EPHB1: variants seen among roughly 807,000 people sequenced by gnomAD.
EPHB1 encodes EPH receptor B1.
A neutral mutation model predicts 94.4 loss-of-function variants in EPHB1; 30 were observed. The observed-to-expected ratio is 0.32, with a 90% confidence interval of 0.24 to 0.43. The LOEUF is 0.43. EPHB1 is among the 20% of genes least tolerant of loss of function. The probability of loss-of-function intolerance (pLI) is 1.00; values close to 1 mark genes in which losing one functional copy is unlikely to be tolerated. For synonymous variants in EPHB1, 522 were observed against 489.1 expected (o/e 1.07, Z -0.89); for missense variants, 1,055 against 1,308.3 (o/e 0.81, Z 2.99).
At chr3:134,828,312 C>T (rs997127484) in intron 1 of EPHB1, among the ~76,000 whole-genome samples, 1 of 152,200 alleles carries the variant, frequency 6.6e-6, no homozygotes, top group African/African-American at 2.4e-5. Flanking sequence ...TCTTAATAGA[C>T]TTTGAATATA....
intron 3 of EPHB1, among the ~76,000 whole-genome samples, chr3:135,019,285 G>T (rs1935910358): frequency 6.6e-6 from 1 of 152,140 alleles, no homozygotes; most frequent in Non-Finnish European, 1.5e-5. Context: ...AATGGAGCAT[G>T]TATCTGGGGT....
chr3:134,892,097 C>A (rs2037995614), intron 1 of EPHB1, among the ~76,000 whole-genome samples: 1 of 152,212 alleles, frequency 6.6e-6, no homozygotes, highest in African/African-American at 2.4e-5. Context: ...AAAGCAGGTT[C>A]TTTTTCAGAG....
At chr3:134,803,912 G>A (rs543789288) in intron 1 of EPHB1, among the ~76,000 whole-genome samples, 7 of 152,028 alleles carry the variant, frequency 4.6e-5, no homozygotes, top group African/African-American at 9.7e-5. Flanking sequence ...GTCAATGCTC[G>A]GACCCTGTGG....
intron 1 of EPHB1, among the ~76,000 whole-genome samples, chr3:134,851,694 GT>G (rs2108299783): frequency 6.6e-6 from 1 of 152,266 alleles, no homozygotes; most frequent in East Asian, 1.9e-4. Context: ...ACAAAGGAGA[GT>G]TTTTTCCTAT....
At chr3:135,053,675 C>T (rs751615883) in intron 3 of EPHB1, among the ~76,000 whole-genome samples, 1 of 152,100 alleles carries the variant, frequency 6.6e-6, no homozygotes, top group Admixed American at 6.6e-5. Context: ...TGAAGAGATG[C>T]TATATGAAGA....
intron 1 of EPHB1, among the ~76,000 whole-genome samples, chr3:134,820,837 A>G (rs192007362): frequency 2.6e-4 from 40 of 152,274 alleles, no homozygotes; most frequent in Admixed American, 7.2e-4. Context: ...AAAGGGAGAA[A>G]GGGTTTGTAT....
At chr3:135,248,563 C>G (rs1943984336) in intron 14 of EPHB1, 54 bp downstream of exon 14, 1 of 1,484,156 alleles carries the variant, frequency 6.7e-7, no homozygotes, top group Middle Eastern at 1.8e-4. Flanking sequence ...TGGTCAGGGG[C>G]ATAGCCAGCA....
chr3:135,133,107 G>A lies in EPHB1; in HGVS notation c.1297+58G>A, dbSNP rs968103241. The A allele has an allele frequency of 2.7e-6, 4 of 1,490,384 alleles. No individual in the cohort carries two copies. The African/African-American group carries it at 5.6e-5, about 21-fold the overall frequency. The allele number at this position is 1,490,384 out of a possible 1,614,324, so 92.3% of individuals were successfully genotyped here. On this transcript the variant is annotated intron_variant, in intron 5 of 15. Transcript: ENST00000398015. ...ATGTGTGGCTGGCTCTTTGTCTCTAGGCAGGGACACAGCTGCAGCCACACC... is the reference window on the plus strand; with the variant it reads ...ATGTGTGGCTGGCTCTTTGTCTCTAAGCAGGGACACAGCTGCAGCCACACC...
At chr3:134,987,610 T>C (rs1271429055) in intron 3 of EPHB1, among the ~76,000 whole-genome samples, 1 of 151,800 alleles carries the variant, frequency 6.6e-6, no homozygotes, top group Non-Finnish European at 1.5e-5. Flanking sequence ...ATGCAAAAAA[T>C]AATAATAATA....
chr3:135,209,438 C>G (rs1468651886), intron 12 of EPHB1, among the ~76,000 whole-genome samples: 2 of 152,294 alleles, frequency 1.3e-5, no homozygotes, highest in Non-Finnish European at 2.9e-5. Context: ...ATATTCTGTG[C>G]AACTTAGAGG....
At chr3:135,116,698 C>T (rs2107804051) in intron 4 of EPHB1, among the ~76,000 whole-genome samples, 1 of 152,306 alleles carries the variant, frequency 6.6e-6, no homozygotes, top group Admixed American at 6.5e-5. Context: ...CTGGTGGGCC[C>T]CTGTCTGTAC....
intron 1 of EPHB1, among the ~76,000 whole-genome samples, chr3:134,885,403 G>T (rs1282912613): frequency 1.3e-5 from 2 of 152,136 alleles, no homozygotes; most frequent in African/African-American, 4.8e-5. Flanking sequence ...AGCGATGAAT[G>T]GCCTCTCTCC....
intron 1 of EPHB1, among the ~76,000 whole-genome samples, chr3:134,882,822 C>T (rs145732111): frequency 1.3e-4 from 3 of 23,842 alleles, no homozygotes; most frequent in African/African-American, 2.6e-4. Flanking sequence ...TTCTTTCTTT[C>T]TTTTCTTTCT....
At chr3:135,225,230 A>T (rs941803829) in intron 12 of EPHB1, among the ~76,000 whole-genome samples, 1 of 152,242 alleles carries the variant, frequency 6.6e-6, no homozygotes, top group African/African-American at 2.4e-5. Context: ...GGGCCCAGAA[A>T]GATGCAAGGC....
At chr3:135,082,556 T>C (rs1938201639) in intron 3 of EPHB1, among the ~76,000 whole-genome samples, 1 of 152,038 alleles carries the variant, frequency 6.6e-6, no homozygotes, top group South Asian at 2.1e-4. Flanking sequence ...GTAGGGACAG[T>C]GCTAAGGGGA....
intron 1 of EPHB1, among the ~76,000 whole-genome samples, chr3:134,876,755 G>A (rs917802021): frequency 2.0e-5 from 3 of 152,164 alleles, no homozygotes; most frequent in South Asian, 2.1e-4. Flanking sequence ...ACTGAGTCAC[G>A]TGGACTGAAA....
chr3:134,846,094 T>C (rs1001286596), intron 1 of EPHB1, among the ~76,000 whole-genome samples: 5 of 152,184 alleles, frequency 3.3e-5, no homozygotes, highest in African/African-American at 4.8e-5. Context: ...CTGATCAGTA[T>C]GGTGTTGCAT....
chr3:134,869,975 C>T (rs1356078569), intron 1 of EPHB1, among the ~76,000 whole-genome samples: 2 of 152,210 alleles, frequency 1.3e-5, no homozygotes, highest in East Asian at 1.9e-4. Context: ...CAAGGCTATT[C>T]TCGAGCCATT....
chr3:134,845,532 G>C (rs981760356), intron 1 of EPHB1, among the ~76,000 whole-genome samples: 18 of 152,148 alleles, frequency 1.2e-4, no homozygotes, highest in Non-Finnish European at 2.1e-4. Context: ...GAGGCCAGAA[G>C]AGTGACATTT....
Sources: allele counts gnomAD v4.1 joint callset (sites outside exome capture counted in the v4.1 genomes callset), GRCh38; gene constraint gnomAD v4.1.1; transcripts MANE v1.5; gene names NCBI Gene and HGNC (gene_info 2026-07-23, HGNC 2026-07-21).